EIF5B: variants seen among roughly 807,000 people sequenced by gnomAD.
EIF5B encodes the protein eukaryotic translation initiation factor 5B.
EIF5B carries 47 observed loss-of-function variants against 147.5 expected under a neutral mutation model. The observed-to-expected ratio is 0.32, with a 90% CI of 0.25 to 0.41. The LOEUF is 0.41. Ranked by LOEUF, EIF5B falls within the 10% of genes least tolerant of loss-of-function variation. EIF5B has a pLI of 1.00. For synonymous variants in EIF5B, 455 were observed against 456.2 expected (o/e 1.00, Z 0.03); for missense variants, 1,064 against 1,413.2 (o/e 0.75, Z 3.96).
Position 99,361,699 on chromosome 2 carries a change from G to C in EIF5B, c.798G>C (p.Gln266His), listed in dbSNP as rs1169909444. Residue 266 changes from glutamine (Q) to histidine (H), a missense_variant, in exon 4 of 24, where the codon CAG becomes CAC. By Grantham distance (24) the Gln-to-His change is conservative. Transcript: ENST00000289371. ...KEELETGKKDQSKQKESQRKF... is the reference protein window; with the variant it reads ...KEELETGKKDHSKQKESQRKF... ...AGTTAGAAACAGGTAAAAAGGATCA[G>C]AGTAAACAAAAGGAATCTCAAAGGA... is the stretch of plus-strand genomic sequence containing the variant. 1 of 1,600,682 alleles carries C rather than the reference G, an allele frequency of 6.2e-7. No individual in the cohort carries two copies. Among genetic ancestry groups the C allele is most frequent in the Non-Finnish European group, 8.5e-7 (1 of 1,177,038 alleles).
chr2:99,382,632 G>A (rs1311140907), intron 13 of EIF5B, 148 bp from the exon 14 acceptor site: 2 of 706,014 alleles, frequency 2.8e-6, no homozygotes, highest in Non-Finnish European at 4.3e-6. Flanking sequence ...TGGTAGATGA[G>A]CCTTTGGCAA....
chr2:99,358,089 A>G (rs1244545481), intron 1 of EIF5B, among the ~76,000 whole-genome samples: 5 of 151,964 alleles, frequency 3.3e-5, no homozygotes, highest in Admixed American at 6.6e-5. Flanking sequence ...ATGCTTTTAT[A>G]TATATATATA....
At chr2:99,342,527 CT>C (rs373586860) in intron 1 of EIF5B, among the ~76,000 whole-genome samples, 108 of 152,154 alleles carry the variant, frequency 7.1e-4, no homozygotes, top group African/African-American at 2.6e-3. Context: ...TAGGATTTGG[CT>C]TTTTCCCATG....
intron 21 of EIF5B, among the ~76,000 whole-genome samples, chr2:99,395,515 G>A (rs1042237975): frequency 3.9e-5 from 6 of 152,100 alleles, no homozygotes; most frequent in African/African-American, 7.2e-5. Flanking sequence ...TTGTATTTTT[G>A]GTAGAGATAG....
chr2:99,382,010 C>T (rs992524507), intron 12 of EIF5B, 149 bp from the exon 13 acceptor site: 4 of 564,592 alleles, frequency 7.1e-6, no homozygotes, highest in African/African-American at 5.7e-5. Context: ...GACAACTGTA[C>T]TTTGCTGGTT....
At chr2:99,368,696 C>G in intron 7 of EIF5B, 105 bp downstream of exon 7, 1 of 773,232 alleles carries the variant, frequency 1.3e-6, no homozygotes, top group Non-Finnish European at 2.1e-6. Context: ...ATCCGAAATG[C>G]ATATTGAAAC....
intron 18 of EIF5B, 67 bp from the exon 19 acceptor site, chr2:99,394,200 A>G (rs988176516): frequency 8.5e-5 from 131 of 1,535,340 alleles, no homozygotes; most frequent in Non-Finnish European, 1.1e-4. Flanking sequence ...GAGAAACACA[A>G]TTTAATTCTA....
chr2:99,396,899 G>A lies in EIF5B; in HGVS notation c.3393+1G>A. ...ACCCATGTGTGTCCCAAGCAAAAATGTAAGTTCTAGTTGTACATTCTGTGG... is the reference window on the plus strand; with the variant it reads ...ACCCATGTGTGTCCCAAGCAAAAATATAAGTTCTAGTTGTACATTCTGTGG... On this transcript the variant is annotated splice_donor_variant, in intron 22 of 23. Coordinates refer to ENST00000289371, the MANE Select transcript of EIF5B (RefSeq NM_015904.4). LOFTEE classifies it high-confidence loss of function. 6.3e-7 allele frequency: 1 copy of A among 1,595,530 alleles called. No homozygotes were observed. Among genetic ancestry groups the A allele is most frequent in the Non-Finnish European group, 8.5e-7 (1 of 1,174,840 alleles).
intron 1 of EIF5B, among the ~76,000 whole-genome samples, chr2:99,352,679 C>T (rs1473367261): frequency 2.0e-5 from 3 of 151,290 alleles, no homozygotes; most frequent in Admixed American, 2.0e-4. Flanking sequence ...CAGGATTTCA[C>T]CATATTGGCC....
intron 1 of EIF5B, among the ~76,000 whole-genome samples, chr2:99,357,060 C>A (rs1438198936): frequency 6.6e-6 from 1 of 152,122 alleles, no homozygotes; most frequent in African/African-American, 2.4e-5. Flanking sequence ...ATACTAGTAT[C>A]CTCAGAGCTC....
chr2:99,361,750 C>T lies in EIF5B; in HGVS notation c.849C>T (p.Ser283=), dbSNP rs760938805. Residue 283 remains serine, a synonymous_variant, in exon 4 of 24, where the codon TCC becomes TCT. Transcript: ENST00000289371. The part of the protein sequence containing the change: ...QRKFEEETVK[S]KVTVDTGVIP... ...AATTTGAAGAAGAAACTGTAAAATC[C>T]AAAGTGACTGTTGATACTGGAGTAA... 6.3e-7 allele frequency: 1 copy of T among 1,590,902 alleles called. No homozygotes were observed. The highest frequency in any genetic ancestry group is 8.5e-7 in the Non-Finnish European group (1 of 1,174,450).
In EIF5B at chr2:99,393,190, G is replaced by A. The variant is rs986820786; in HGVS notation, c.2880+92G>A. ...ATGCTAGGGATGGTGACCAAAACTG[G>A]CTTTGTCTTTGTGAAGCCTGCCATT... On this transcript the variant is annotated intron_variant, in intron 18 of 23. Coordinates refer to ENST00000289371, the MANE Select transcript of EIF5B (RefSeq NM_015904.4). 4.1e-6 allele frequency: 5 copies of A among 1,226,994 alleles called. No individual in the cohort carries two copies. The African/African-American group carries it at 7.7e-5, about 19-fold the overall frequency. The allele number at this position is 1,226,994 out of a possible 1,614,324, so 76.0% of individuals were successfully genotyped here.
chr2:99,363,959 A>G (rs1180451117), intron 5 of EIF5B, 97 bp downstream of exon 5: 10 of 1,281,128 alleles, frequency 7.8e-6, no homozygotes, highest in Non-Finnish European at 1.1e-5. Context: ...AAAATTTCAT[A>G]GTTGCATGGT....
intron 12 of EIF5B, among the ~76,000 whole-genome samples, 182 bp downstream of exon 12, chr2:99,379,610 T>C (rs192518576): frequency 3.3e-5 from 5 of 152,240 alleles, no homozygotes; most frequent in African/African-American, 1.2e-4. Flanking sequence ...AAACACTACA[T>C]ATTATAGGAG....
intron 21 of EIF5B, 83 bp downstream of exon 21, chr2:99,394,966 A>C: frequency 7.7e-7 from 1 of 1,303,362 alleles, no homozygotes; most frequent in East Asian, 2.4e-5. Context: ...GGCTGTAAAC[A>C]GCAAAATCAT....
intron 4 of EIF5B, 98 bp downstream of exon 4, chr2:99,361,918 G>T: frequency 1.8e-6 from 2 of 1,139,684 alleles, no homozygotes; most frequent in South Asian, 2.6e-5. Flanking sequence ...TTGTCCATGG[G>T]TATAAAGACA....
intron 12 of EIF5B, among the ~76,000 whole-genome samples, chr2:99,380,189 A>C (rs1309295392): frequency 3.9e-5 from 6 of 152,160 alleles, no homozygotes; most frequent in Non-Finnish European, 7.4e-5. Flanking sequence ...CTTTTAAAAT[A>C]AAAAGTGGCC....
intron 1 of EIF5B, among the ~76,000 whole-genome samples, chr2:99,345,817 C>G (rs1005877458): frequency 6.6e-6 from 1 of 151,426 alleles, no homozygotes; most frequent in South Asian, 2.1e-4. Flanking sequence ...GTGGTGTGTG[C>G]GTGTGGTCTC....
intron 1 of EIF5B, among the ~76,000 whole-genome samples, chr2:99,355,610 GTTTTTTTTT>G (rs67037124): frequency 1.0e-5 from 1 of 98,614 alleles, no homozygotes; most frequent in Non-Finnish European, 2.0e-5. Flanking sequence ...TGTTTTTTGG[GTTTTTTTTT>G]TTTTTTTTTT....
Sources: gnomAD v4.1 joint callset for allele counts (sites outside exome capture counted in the v4.1 genomes callset) on GRCh38, gnomAD v4.1.1 for gene constraint, MANE v1.5 for transcripts, NCBI Gene and HGNC (gene_info 2026-07-23, HGNC 2026-07-21) for gene names.